The following USP49 variants were observed in gnomAD, a reference collection of about 807,000 sequenced individuals.
The protein encoded by USP49 is ubiquitin carboxyl-terminal hydrolase 49.
Under a neutral mutation model 58.6 loss-of-function variants are expected in USP49, and 24 were observed. That is an observed-to-expected ratio of 0.41 (90% confidence interval 0.30 to 0.58). The LOEUF (loss-of-function observed/expected upper bound fraction) is 0.58, where lower values mean the gene tolerates loss of function less well. Among genes scored for constraint, USP49 ranks in the 20% least tolerant of loss-of-function variants. USP49 has a pLI of 0.30. For synonymous variants in USP49, 408 were observed against 365.1 expected (o/e 1.12, Z -1.34); for missense variants, 703 against 866.1 (o/e 0.81, Z 2.36).
At chr6:41,826,074 G>A (rs766843841) in intron 3 of USP49, among the ~76,000 whole-genome samples, 2 of 152,102 alleles carry the variant, frequency 1.3e-5, no homozygotes, top group Non-Finnish European at 2.9e-5. Context: ...GACCAGCCTG[G>A]GCAAAATGGT....
At position 41,806,322 on chromosome 6, in the gene USP49, G is replaced by A. The variant is rs770172987; in HGVS notation, c.662C>T (p.Pro221Leu). 9 of 1,547,972 alleles carry A rather than the reference G, an allele frequency of 5.8e-6. No homozygotes were observed. The Admixed American group carries it at 1.2e-4, about 20-fold the overall frequency. ...GAGGGCGGCGGGGCGCGAGGCAGCC[G>A]GGCCCGCGTCGCGGGGCGTGTGCAG... ...LLLHTPRDAG[P>L]AASRPAALPT... Residue 221 changes from proline (P) to leucine (L), a missense_variant, in exon 4 of 8, where the codon CCG (proline) becomes CTG (leucine). Physicochemically the swap from Pro to Leu is moderately conservative, Grantham distance 98. Transcript: ENST00000682992. This position sits in a 1 kb window ranked among gnomAD's most constrained non-coding sequence, Gnocchi z 5.9.
chr6:41,823,572 C>A (rs1773486805), intron 3 of USP49, among the ~76,000 whole-genome samples: 1 of 152,108 alleles, frequency 6.6e-6, no homozygotes, highest in Non-Finnish European at 1.5e-5. Flanking sequence ...AGTGGCAATA[C>A]AGCAGAGCCT....
At chr6:41,893,620 A>G (rs1190134054) in intron 1 of USP49, among the ~76,000 whole-genome samples, 1 of 152,100 alleles carries the variant, frequency 6.6e-6, no homozygotes, top group African/African-American at 2.4e-5. Context: ...TTATCACAAC[A>G]CTAGTGAAAT....
intron 3 of USP49, among the ~76,000 whole-genome samples, chr6:41,820,907 G>A (rs1017218141): frequency 1.3e-5 from 2 of 152,094 alleles, no homozygotes; most frequent in African/African-American, 2.4e-5. Flanking sequence ...AGACTGACAT[G>A]GGAGGATTGA....
rs34281670 is a variant in USP49, at chr6:41,817,150, C to CTTTTTTTTTTTTTTTTTTTTTTTTT, written c.-28-10140_-28-10139insAAAAAAAAAAAAAAAAAAAAAAAAA. Among the ~76,000 whole-genome samples, 9 of 104,338 alleles carry CTTTTTTTTTTTTTTTTTTTTTTTTT rather than the reference C, an allele frequency of 8.6e-5. 1 individual carries two copies. Among genetic ancestry groups the CTTTTTTTTTTTTTTTTTTTTTTTTT allele is most frequent in the African/African-American group, 3.5e-4 (8 of 22,552 alleles). 68.4% of individuals were successfully genotyped at this position (104,338 alleles called of 152,430 possible). On this transcript the variant is annotated intron_variant, in intron 3 of 7. Coordinates refer to ENST00000682992, the MANE Select transcript of USP49 (RefSeq NM_001286554.2). Reference sequence around the variant, plus strand: ...CCACCACGCCTGGCTCCCACGCATGCTTTTTTTTTTTTTTTTTGAGACAGA... The same window carrying CTTTTTTTTTTTTTTTTTTTTTTTTT: ...CCACCACGCCTGGCTCCCACGCATGCTTTTTTTTTTTTTTTTTTTTTTTTTTTTTTTTTTTTTTTTTTGAGACAGA...
In USP49 at chr6:41,806,340, G is replaced by A. The variant is rs1286364886; in HGVS notation, c.644C>T (p.Thr215Met). Reference protein sequence around the residue: ...PRKSARLLLHTPRDAGPAASR... With the variant: ...PRKSARLLLHMPRDAGPAASR... ...GGCAGCCGGGCCCGCGTCGCGGGGC[G>A]TGTGCAGGAGCAGCCGTGCACTCTT... The change falls in exon 4 of 8, where the codon ACG becomes ATG. Residue 215 changes from threonine (T) to methionine (M), a missense_variant. Thr to Met is a moderately conservative substitution (Grantham distance 81). This residue lies in a region of USP49 where 376 missense variants were observed against 373.5 expected (regional missense o/e 1.01). Coordinates refer to ENST00000682992, the MANE Select transcript of USP49 (RefSeq NM_001286554.2). The surrounding 1 kb of genome is among the most constrained non-coding windows in gnomAD (Gnocchi z 5.9). The A allele has an allele frequency of 7.9e-6, 12 of 1,527,914 alleles. No individual in the cohort carries two copies. Among genetic ancestry groups the A allele is most frequent in the East Asian group, 2.3e-5 (1 of 43,912 alleles). The allele number at this position is 1,527,914 out of a possible 1,614,324, so 94.6% of individuals were successfully genotyped here.
intron 3 of USP49, among the ~76,000 whole-genome samples, chr6:41,837,652 A>G (rs1773751338): frequency 6.6e-6 from 1 of 152,216 alleles, no homozygotes; most frequent in Non-Finnish European, 1.5e-5. Context: ...AACAAAACCT[A>G]TCAGCAGAGT....
At chr6:41,851,911 G>A (rs1389543804) in intron 3 of USP49, among the ~76,000 whole-genome samples, 2 of 129,938 alleles carry the variant, frequency 1.5e-5, no homozygotes, top group Non-Finnish European at 3.1e-5. Flanking sequence ...CTGAGATCGC[G>A]CCACTGCACT....
chr6:41,818,254 CAGG>C (rs780335629), intron 3 of USP49, among the ~76,000 whole-genome samples: 9 of 152,008 alleles, frequency 5.9e-5, no homozygotes, highest in African/African-American at 2.2e-4. Flanking sequence ...ACCCCTTTTC[CAGG>C]AGGATAGCTG....
intron 3 of USP49, among the ~76,000 whole-genome samples, chr6:41,865,916 CTTTT>C (rs34663718): frequency 0.025 from 1,612 of 65,344 alleles, 20 homozygotes; most frequent in Middle Eastern, 0.05. Flanking sequence ...AGCATGGTGC[CTTTT>C]TTTTTTTTTT....
intron 2 of USP49, among the ~76,000 whole-genome samples, chr6:41,874,905 C>T (rs1774475805): frequency 6.6e-6 from 1 of 152,066 alleles, no homozygotes; most frequent in Non-Finnish European, 1.5e-5. Flanking sequence ...CTGCAGTGAG[C>T]TGTGCGTGAT....
intron 3 of USP49, among the ~76,000 whole-genome samples, chr6:41,858,779 C>A (rs1230324044): frequency 2.0e-5 from 3 of 152,134 alleles, no homozygotes; most frequent in African/African-American, 7.2e-5. Flanking sequence ...ATTATAAAAT[C>A]ATTCCCCACT....
chr6:41,844,187 C>T (rs965879236), intron 3 of USP49, among the ~76,000 whole-genome samples: 4 of 152,014 alleles, frequency 2.6e-5, no homozygotes, highest in Admixed American at 1.3e-4. Context: ...TGCCACTGCA[C>T]TCCAGCCTGG....
intron 3 of USP49, among the ~76,000 whole-genome samples, chr6:41,860,919 C>T (rs1273784209): frequency 1.3e-5 from 2 of 151,632 alleles, no homozygotes; most frequent in East Asian, 3.9e-4. Context: ...TTGTCTAGCT[C>T]AGGAGTTCGA....
At chr6:41,855,416 G>A (rs1237461249) in intron 3 of USP49, among the ~76,000 whole-genome samples, 1 of 151,864 alleles carries the variant, frequency 6.6e-6, no homozygotes, top group Non-Finnish European at 1.5e-5. Flanking sequence ...CTGAGAGGCT[G>A]AGGCACAAGA....
intron 6 of USP49, among the ~76,000 whole-genome samples, chr6:41,799,550 A>G (rs774870046): frequency 9.2e-5 from 14 of 152,244 alleles, no homozygotes; most frequent in Non-Finnish European, 1.6e-4. Context: ...ATGAATCTAC[A>G]TAAGTCCAAG....
At chr6:41,812,942 CAGAT>C (rs1192711635) in intron 3 of USP49, among the ~76,000 whole-genome samples, 1 of 151,922 alleles carries the variant, frequency 6.6e-6, no homozygotes, top group Admixed American at 6.6e-5. Flanking sequence ...AGAATATATA[CAGAT>C]AGAGAATTCA....
chr6:41,885,224 T>C (rs919105410), intron 2 of USP49, among the ~76,000 whole-genome samples: 23 of 152,246 alleles, frequency 1.5e-4, no homozygotes, highest in Non-Finnish European at 3.1e-4. Flanking sequence ...ATACTCATTA[T>C]GCCATGCTGC....
intron 3 of USP49, among the ~76,000 whole-genome samples, chr6:41,855,788 C>T (rs1042568964): frequency 3.9e-5 from 6 of 152,178 alleles, no homozygotes; most frequent in African/African-American, 1.4e-4. Flanking sequence ...TGGCTTGTGC[C>T]TGTAATCCCA....
Sources: allele counts gnomAD v4.1 joint callset (sites outside exome capture counted in the v4.1 genomes callset), GRCh38; gene constraint gnomAD v4.1.1; regional missense constraint gnomAD v4.1.1; non-coding constraint Gnocchi (gnomAD v3.1); transcripts MANE v1.5; gene names NCBI Gene and HGNC (gene_info 2026-07-23, HGNC 2026-07-21).